The following EIF3H variants were observed in gnomAD, a reference collection of about 807,000 sequenced individuals.
The protein encoded by EIF3H is eIF-3-gamma.
In EIF3H, 26 loss-of-function variants were observed where a neutral mutation model predicts 44.2. That is an observed-to-expected ratio of 0.59 (90% CI 0.43 to 0.82). The LOEUF (loss-of-function observed/expected upper bound fraction) is 0.82, where lower values mean the gene tolerates loss of function less well. Among genes scored for constraint, EIF3H ranks in the 40% least tolerant of loss-of-function variants. The pLI, the probability that EIF3H is intolerant of heterozygous loss-of-function variation, is 0.00. For synonymous variants in EIF3H, 166 were observed against 151.9 expected, an observed-to-expected ratio of 1.09 and a Z score of -0.68; for missense variants, 359 against 432.8, an observed-to-expected ratio of 0.83 and a Z score of 1.51.
At chr8:116,756,892 T>C (rs555492708), upstream of EIF3H, among the ~76,000 whole-genome samples, 40 of 152,302 alleles carry the variant, frequency 2.6e-4, no homozygotes, top group African/African-American at 7.2e-4. Flanking sequence ...TAGAAATTGG[T>C]AACAGAACAT....
intron 2 of EIF3H, among the ~76,000 whole-genome samples, chr8:116,668,805 T>A (rs1393981503): frequency 1.3e-5 from 2 of 152,162 alleles, no homozygotes; most frequent in African/African-American, 4.8e-5. Context: ...ATCATTTGCA[T>A]CAAAAGCTTG....
At chr8:116,766,355 C>G, upstream of EIF3H, 2 of 419,854 alleles carry the variant, frequency 4.8e-6, no homozygotes, top group South Asian at 8.3e-5. Context: ...CGCACCCCAG[C>G]GGTTTTCCAG....
chr8:116,753,917 A>G (rs117503484), intron 1 of EIF3H, among the ~76,000 whole-genome samples: 78 of 152,382 alleles, frequency 5.1e-4, no homozygotes, highest in Non-Finnish European at 8.8e-4. Flanking sequence ...AGCAAATTTA[A>G]TAAGAAATAT....
At chr8:116,676,455 G>C (rs111958821) in intron 2 of EIF3H, among the ~76,000 whole-genome samples, 1 of 152,158 alleles carries the variant, frequency 6.6e-6, no homozygotes, top group Admixed American at 6.5e-5. Context: ...CTGAGCAAAG[G>C]GGGGAAGAGC....
At chr8:116,655,752 G>C in intron 5 of EIF3H, 104 bp downstream of exon 5, 4 of 1,248,112 alleles carry the variant, frequency 3.2e-6, no homozygotes, top group Non-Finnish European at 4.6e-6. Flanking sequence ...ACCTATAAAC[G>C]TTCTTAAGTA....
chr8:116,692,453 T>C (rs1814195718), intron 2 of EIF3H, among the ~76,000 whole-genome samples: 1 of 152,214 alleles, frequency 6.6e-6, no homozygotes, highest in Non-Finnish European at 1.5e-5. Flanking sequence ...TTAAATCTTC[T>C]AATTTAGAGA....
chr8:116,667,311 G>A (rs558419533), intron 2 of EIF3H, among the ~76,000 whole-genome samples: 19 of 152,152 alleles, frequency 1.2e-4, no homozygotes, highest in African/African-American at 4.6e-4. Context: ...TTTTCATGTG[G>A]GGCTTCAATG....
rs148790492 is a variant in EIF3H at position 116,730,384 on chromosome 8, G to C, written c.133-4212C>G. ...GAGCTAGGTTGCATGCTCCTTTGAA[G>C]AATCTAATGCCTGACAATCTGAAGT... On this transcript the variant is annotated intron_variant, in intron 1 of 7. Coordinates refer to ENST00000521861, the MANE Select transcript of EIF3H (RefSeq NM_003756.3). 6.1e-3 allele frequency among the ~76,000 whole-genome samples: 924 copies of C among 152,272 alleles called. 7 individuals are homozygous for C. Among genetic ancestry groups the C allele is most frequent in the African/African-American group, 0.02 (850 of 41,546 alleles).
At chr8:116,763,121 T>C (rs1815534698) in intron 1 of EIF3H, among the ~76,000 whole-genome samples, 1 of 152,242 alleles carries the variant, frequency 6.6e-6, no homozygotes, top group Admixed American at 6.5e-5. Context: ...AGAAATGTCA[T>C]GCAGCCATTA....
At chr8:116,734,329 A>G (rs1360685488) in intron 1 of EIF3H, 1 of 456,106 alleles carries the variant, frequency 2.2e-6, no homozygotes, top group Admixed American at 2.3e-5. Flanking sequence ...AGAGAACTGA[A>G]GAACAAGCCA....
intron 2 of EIF3H, among the ~76,000 whole-genome samples, chr8:116,722,064 G>C (rs1362670236): frequency 6.6e-6 from 1 of 152,146 alleles, no homozygotes; most frequent in Middle Eastern, 3.2e-3. Flanking sequence ...TGGTTTGGCT[G>C]TGTTGCCACC....
chr8:116,755,941 T>G, upstream of EIF3H: 1 of 1,537,564 alleles, frequency 6.5e-7, no homozygotes, highest in Non-Finnish European at 8.7e-7. Flanking sequence ...CCTCCTGTTT[T>G]CCAGTTTTAC....
chr8:116,715,152 T>C (rs2130906795), intron 2 of EIF3H, among the ~76,000 whole-genome samples: 2 of 152,232 alleles, frequency 1.3e-5, no homozygotes, highest in African/African-American at 4.8e-5. Flanking sequence ...AATACATCAA[T>C]ATTTTAATTA....
At chr8:116,756,088 C>T (rs1442173086), upstream of EIF3H, 5 of 1,293,324 alleles carry the variant, frequency 3.9e-6, no homozygotes, top group Admixed American at 7.9e-5. Flanking sequence ...AATAGCATTA[C>T]AGTTCGCATT....
rs187743542 is a variant in EIF3H, at chr8:116,687,991, G to A, written c.290-29011C>T. On this transcript the variant is annotated intron_variant, in intron 2 of 7. Transcript: ENST00000521861. The stretch of plus-strand genomic sequence containing the variant: ...CAGCTTAAGTTCAAAACAATAAAGT[G>A]TTACTACCAATGCAAAGAAACAATC... 1.6e-4 allele frequency among the ~76,000 whole-genome samples: 24 copies of A among 152,140 alleles called. No individual in the cohort carries two copies. In the East Asian group the frequency reaches 4.6e-3, roughly 29 times the overall value.
intron 5 of EIF3H, among the ~76,000 whole-genome samples, chr8:116,651,841 C>T (rs1304239364): frequency 6.6e-6 from 1 of 152,112 alleles, no homozygotes; most frequent in Non-Finnish European, 1.5e-5. Flanking sequence ...AAACATACTA[C>T]AAGTCTGGAA....
intron 2 of EIF3H, among the ~76,000 whole-genome samples, chr8:116,660,621 G>A (rs1448478653): frequency 6.6e-6 from 1 of 152,020 alleles, no homozygotes; most frequent in Non-Finnish European, 1.5e-5. Flanking sequence ...TTAAGCCTAC[G>A]GCAATGTTGC....
intron 2 of EIF3H, among the ~76,000 whole-genome samples, chr8:116,679,614 G>A (rs1336924613): frequency 7.9e-5 from 2 of 25,282 alleles, no homozygotes; most frequent in South Asian, 2.2e-3. Context: ...CCGGCCAGCC[G>A]CCCCGTCCGG....
intron 2 of EIF3H, among the ~76,000 whole-genome samples, chr8:116,710,927 G>A (rs947080698): frequency 1.3e-5 from 2 of 152,174 alleles, no homozygotes; most frequent in Admixed American, 6.5e-5. Context: ...AAAATCATCA[G>A]TAGCCAGAAC....
Sources: allele counts gnomAD v4.1 joint callset (sites outside exome capture counted in the v4.1 genomes callset), GRCh38; gene constraint gnomAD v4.1.1; transcripts MANE v1.5; gene names NCBI Gene and HGNC (gene_info 2026-07-23, HGNC 2026-07-21).